C14orf180: variants seen among roughly 807,000 people sequenced by gnomAD.
C14orf180 encodes the protein chromosome 14 open reading frame 180.
C14orf180 carries 13 observed loss-of-function variants against 13.9 expected under a neutral mutation model. That is an observed-to-expected ratio of 0.94 (90% CI 0.61 to 1.49). C14orf180 has a LOEUF of 1.49. Ranked by LOEUF, C14orf180 falls within the 40% of genes most tolerant of loss-of-function variation. The pLI, the probability that C14orf180 is intolerant of heterozygous loss-of-function variation, is 0.00. For missense variants in C14orf180, 238 were observed against 232.0 expected, an observed-to-expected ratio of 1.03 and a Z score of -0.17; for synonymous variants, 113 against 106.3, an observed-to-expected ratio of 1.06 and a Z score of -0.39.
Position 104,587,772 on chromosome 14 carries a change from C to G in C14orf180, c.135C>G (p.Pro45=). The change falls in exon 3 of 5, where the codon CCC becomes CCG. Residue 45 remains proline (P), a synonymous_variant. Transcript: ENST00000557649. ...AGGAGGACAACAGGAAGTGCCCCCC[C>G]TCCATCCTGAAACGGAGCCGGCCGG... The part of the protein sequence containing the change: ...AEREDNRKCP[P]SILKRSRPEH... 1 of 1,612,808 alleles carries G rather than the reference C, an allele frequency of 6.2e-7. No individual in the cohort carries two copies. The highest frequency in any genetic ancestry group is 1.1e-5 in the South Asian group (1 of 90,904).
rs538979526 is a variant in C14orf180 at position 104,586,468 on chromosome 14, G to T, written c.38G>T (p.Arg13Leu). The T allele has an allele frequency of 1.9e-6, 3 of 1,549,510 alleles. No individual in the cohort carries two copies. Among genetic ancestry groups the T allele is most frequent in the East Asian group, 4.9e-5 (2 of 41,182 alleles). ...GCAGGAGCCGTGAGCCCTGACTCCC[G>T]GCCAGAGACACGACGTCAGACCAGA... is the stretch of plus-strand genomic sequence containing the variant. ...TAAGAVSPDS[R>L]PETRRQTRKN... The change falls in exon 2 of 5, where the codon CGG (arginine) becomes CTG (leucine). Residue 13 changes from arginine (R) to leucine (L), a missense_variant. Transcript: ENST00000557649.
intron 3 of C14orf180, 147 bp downstream of exon 3, chr14:104,588,025 A>C: frequency 1.8e-6 from 2 of 1,111,664 alleles, no homozygotes; most frequent in Non-Finnish European, 2.5e-6. Flanking sequence ...AACCCCTGTA[A>C]GACCTGGGCC....
At chr14:104,588,222 C>T in intron 3 of C14orf180, 52 bp from the exon 4 acceptor site, 1 of 1,611,550 alleles carries the variant, frequency 6.2e-7, no homozygotes, top group Non-Finnish European at 8.5e-7. Flanking sequence ...GGCGGGGGCG[C>T]CCGATGGACT....
rs149889936 is a variant in C14orf180, at chr14:104,583,676, C to T, written c.-16-2739C>T. ...CTCTGTGCCCCAGAAGGCGAAGTCG[C>T]GTCCTCCCCAAGTTATGCTGCTCAG... On this transcript the variant is annotated intron_variant, in intron 1 of 4. Coordinates refer to ENST00000557649, the MANE Select transcript of C14orf180 (RefSeq NM_001008404.3). 1.8e-3 allele frequency among the ~76,000 whole-genome samples: 275 copies of T among 152,312 alleles called. 1 individual carries two copies. The highest frequency in any genetic ancestry group is 6.2e-3 in the African/African-American group (257 of 41,556).
In C14orf180 at chr14:104,589,224, C is replaced by A. The variant is rs932970995; in HGVS notation, c.*441C>A. 2 of 273,344 alleles carry A rather than the reference C, an allele frequency of 7.3e-6. No individual in the cohort carries two copies. Among genetic ancestry groups the A allele is most frequent in the Non-Finnish European group, 1.4e-5 (2 of 147,000 alleles). The allele number at this position is 273,344 out of a possible 1,614,324, so 16.9% of individuals were successfully genotyped here. On this transcript the variant is annotated 3_prime_UTR_variant, in exon 5 of 5. Transcript: ENST00000557649. This position sits in a 1 kb window ranked among gnomAD's most constrained non-coding sequence, Gnocchi z 4.9. ...CGGAGGAGGCAAACCCAGCCTTTTG[C>A]GATTATGGCTTGTGGGGAATCCAGA...
rs3840008 is a variant in C14orf180 at position 104,588,954 on chromosome 14, TGGG to T, written c.*175_*177del. The T allele has an allele frequency of 7.3e-7, 1 of 1,362,120 alleles. No homozygotes were observed. The highest frequency in any genetic ancestry group is 2.6e-5 in the East Asian group (1 of 38,578). 84.4% of individuals were successfully genotyped at this position (1,362,120 alleles called of 1,614,324 possible). A position where few individuals can be genotyped will look rare whatever the true frequency, so the allele number is the denominator to read the frequency against. On this transcript the variant is annotated 3_prime_UTR_variant, in exon 5 of 5. Transcript: ENST00000557649. ...GGACCCCGTGGCGTGAGATCGGACA[TGGG>T]GGGCACAGCAGGCGGCCCCGCCACA... is the stretch of plus-strand genomic sequence containing the variant.
intron 2 of C14orf180, among the ~76,000 whole-genome samples, chr14:104,587,100 G>A (rs1453997772): frequency 6.6e-6 from 1 of 152,176 alleles, no homozygotes; most frequent in Admixed American, 6.5e-5. Flanking sequence ...GAGCTGGCCC[G>A]GCTCCCAGGG....
intron 3 of C14orf180, 141 bp downstream of exon 3, chr14:104,588,019 C>T (rs2140467298): frequency 1.8e-6 from 2 of 1,128,118 alleles, no homozygotes; most frequent in African/African-American, 1.6e-5. Flanking sequence ...TGCCACAACC[C>T]CTGTAAGACC....
chr14:104,583,976 C>T (rs1011543442), intron 1 of C14orf180, among the ~76,000 whole-genome samples: 2 of 152,066 alleles, frequency 1.3e-5, no homozygotes, highest in African/African-American at 4.8e-5. Flanking sequence ...CCCTCTGACA[C>T]ACGTGCCCAC....
intron 1 of C14orf180, among the ~76,000 whole-genome samples, chr14:104,585,834 GAC>G (rs986431993): frequency 2.0e-5 from 3 of 152,112 alleles, no homozygotes; most frequent in African/African-American, 7.2e-5. Context: ...TGCAGAGAGA[GAC>G]ACAGAGAGAG....
At position 104,588,623 on chromosome 14, in the gene C14orf180, T is replaced by C; in HGVS notation, c.323T>C (p.Leu108Pro). 1 of 1,497,798 alleles carries C rather than the reference T, an allele frequency of 6.7e-7. No individual in the cohort carries two copies. The highest frequency in any genetic ancestry group is 8.9e-7 in the Non-Finnish European group (1 of 1,124,990). 92.8% of individuals were successfully genotyped at this position (1,497,798 alleles called of 1,614,324 possible). ...RPHGGSLLLQ[L>P]CVCVLLVLAL... ...CACGGCGGCTCCCTGCTCCTGCAGC[T>C]GTGTGTGTGCGTCCTGCTCGTGCTG... Residue 108 changes from leucine to proline, a missense_variant, in exon 5 of 5, where the codon CTG becomes CCG. Leu to Pro is a moderately conservative substitution (Grantham distance 98). Coordinates refer to ENST00000557649, the MANE Select transcript of C14orf180 (RefSeq NM_001008404.3).
intron 2 of C14orf180, among the ~76,000 whole-genome samples, chr14:104,587,462 G>A (rs758977227): frequency 3.3e-5 from 5 of 152,184 alleles, no homozygotes; most frequent in Admixed American, 1.3e-4. Context: ...GCCTGCATCC[G>A]AGACAGCGGG....
chr14:104,582,030 G>A (rs752172780), intron 1 of C14orf180, among the ~76,000 whole-genome samples: 1 of 152,194 alleles, frequency 6.6e-6, no homozygotes, highest in South Asian at 2.1e-4. Context: ...GACCTCCCAT[G>A]TGGGGTGGGT....
Position 104,588,820 on chromosome 14 carries a change from G to C in C14orf180, c.*37G>C, listed in dbSNP as rs1038678100. 37 of 1,529,416 alleles carry C rather than the reference G, an allele frequency of 2.4e-5. No individual in the cohort carries two copies. The highest frequency in any genetic ancestry group is 2.9e-5 in the Non-Finnish European group (33 of 1,143,266). The allele number at this position is 1,529,416 out of a possible 1,614,324, so 94.7% of individuals were successfully genotyped here. A position where few individuals can be genotyped will look rare whatever the true frequency, so the allele number is the denominator to read the frequency against. On this transcript the variant is annotated 3_prime_UTR_variant, in exon 5 of 5. Coordinates refer to ENST00000557649, the MANE Select transcript of C14orf180 (RefSeq NM_001008404.3). ...GGCAGGACGGGCAGGGCTTCCAGGA[G>C]AGCTCAAGCACTCCGGGGGCTCCGA...
At position 104,588,714 on chromosome 14, in the gene C14orf180, G is replaced by A. The variant is rs1164267163; in HGVS notation, c.414G>A (p.Arg138=). The change falls in exon 5 of 5, where the codon CGG becomes CGA. Residue 138 remains arginine, a synonymous_variant. Transcript: ENST00000557649. Reference sequence around the variant, plus strand: ...CGGCACTGGAGGACCTGCGGGCCCGGCTCCTCGGCCTTGTCCTGCACCTGC... The same window carrying A: ...CGGCACTGGAGGACCTGCGGGCCCGACTCCTCGGCCTTGTCCTGCACCTGC... ...VATALEDLRA[R]LLGLVLHLRH... 8 of 1,535,676 alleles carry A rather than the reference G, an allele frequency of 5.2e-6. No homozygotes were observed. The highest frequency in any genetic ancestry group is 7.0e-6 in the Non-Finnish European group (8 of 1,146,348).
intron 2 of C14orf180, among the ~76,000 whole-genome samples, chr14:104,587,118 G>A (rs985147379): frequency 1.3e-5 from 2 of 152,132 alleles, no homozygotes; most frequent in Non-Finnish European, 2.9e-5. Flanking sequence ...GGGTGCCTCA[G>A]CCCCAGTTGT....
intron 1 of C14orf180, among the ~76,000 whole-genome samples, chr14:104,583,324 T>A (rs4357866): frequency 1 from 152,257 of 152,330 alleles, 76,092 homozygotes; most frequent in Middle Eastern, 1. Flanking sequence ...TCCCATAGGA[T>A]GTCCTGACTG....
chr14:104,588,931 A>G lies in C14orf180; in HGVS notation c.*148A>G. 1 of 1,428,708 alleles carries G rather than the reference A, an allele frequency of 7.0e-7. No individual in the cohort carries two copies. The highest frequency in any genetic ancestry group is 9.1e-7 in the Non-Finnish European group (1 of 1,093,058). 88.5% of individuals were successfully genotyped at this position (1,428,708 alleles called of 1,614,324 possible). On this transcript the variant is annotated 3_prime_UTR_variant, in exon 5 of 5. Coordinates refer to ENST00000557649, the MANE Select transcript of C14orf180 (RefSeq NM_001008404.3). ...CTGAGGGCTAACTAGGAAAAGGGGG[A>G]CCCCGTGGCGTGAGATCGGACATGG...
rs1437663460 is a variant in C14orf180 at position 104,588,696 on chromosome 14, G to C, written c.396G>C (p.Leu132=). ...GGGCCAAGCCCGTGGCAACGGCACT[G>C]GAGGACCTGCGGGCCCGGCTCCTCG... The part of the protein sequence containing the change: ...CGRAKPVATA[L]EDLRARLLGL... The change falls in exon 5 of 5, where the codon CTG becomes CTC. Residue 132 remains leucine, a synonymous_variant. Transcript: ENST00000557649. 1.3e-6 allele frequency: 2 copies of C among 1,535,654 alleles called. No individual in the cohort carries two copies. The highest frequency in any genetic ancestry group is 1.7e-6 in the Non-Finnish European group (2 of 1,146,262).
Sources: allele counts gnomAD v4.1 joint callset (sites outside exome capture counted in the v4.1 genomes callset), GRCh38; gene constraint gnomAD v4.1.1; non-coding constraint Gnocchi (gnomAD v3.1); transcripts MANE v1.5; gene names NCBI Gene and HGNC (gene_info 2026-07-23, HGNC 2026-07-21).